SHANK2: variants seen among roughly 807,000 people sequenced by gnomAD.
SHANK2 encodes SH3 and multiple ankyrin repeat domains protein 2.
SHANK2 carries 43 observed loss-of-function variants against 133.7 expected under a neutral mutation model. That is an observed-to-expected ratio of 0.32 (90% CI 0.25 to 0.41). The LOEUF is 0.41. Ranked by LOEUF, SHANK2 falls within the 10% of genes least tolerant of loss-of-function variation. The pLI is 1.00. For synonymous variants in SHANK2, 1,017 were observed against 952.8 expected, an observed-to-expected ratio of 1.07 and a Z score of -1.24; for missense variants, 1,994 against 2,235.8, an observed-to-expected ratio of 0.89 and a Z score of 2.18.
intron 10 of SHANK2, among the ~76,000 whole-genome samples, chr11:70,906,489 A>G (rs1246425083): frequency 6.6e-6 from 1 of 152,052 alleles, no homozygotes; most frequent in Non-Finnish European, 1.5e-5. Context: ...AAGCCACTCC[A>G]CCGCCCCGAC....
chr11:70,799,426 A>T (rs1947994663), intron 13 of SHANK2, among the ~76,000 whole-genome samples: 1 of 152,088 alleles, frequency 6.6e-6, no homozygotes, highest in Non-Finnish European at 1.5e-5. Context: ...AGAAAAAGAA[A>T]TCACAGCAGA....
intron 2 of SHANK2, among the ~76,000 whole-genome samples, chr11:71,223,217 C>T (rs1555121607): frequency 6.6e-6 from 1 of 152,150 alleles, no homozygotes; most frequent in East Asian, 1.9e-4. Context: ...TGGCCAGGAC[C>T]AGGGTAGTCC....
chr11:70,559,360 A>G (rs1164627526), intron 17 of SHANK2, among the ~76,000 whole-genome samples: 2 of 152,172 alleles, frequency 1.3e-5, no homozygotes, highest in African/African-American at 4.8e-5. Context: ...AGCTTTACCA[A>G]AAGAAACCAA....
chr11:70,601,851 T>C (rs2060502075), intron 17 of SHANK2, among the ~76,000 whole-genome samples: 1 of 152,220 alleles, frequency 6.6e-6, no homozygotes, highest in Non-Finnish European at 1.5e-5. Context: ...ACCTCCCAGA[T>C]TGACAAAAGC....
chr11:71,215,926 G>A (rs575876306), intron 2 of SHANK2, among the ~76,000 whole-genome samples: 33 of 152,164 alleles, frequency 2.2e-4, no homozygotes, highest in South Asian at 4.2e-4. Flanking sequence ...ATGAGACAGC[G>A]CCTCCCCCAC....
intron 17 of SHANK2, among the ~76,000 whole-genome samples, chr11:70,613,113 G>T (rs1255818737): frequency 6.6e-6 from 1 of 152,226 alleles, no homozygotes; most frequent in African/African-American, 2.4e-5. Flanking sequence ...TCACATGCTG[G>T]TTTGCACAGC....
chr11:71,228,270 T>G (rs1391470441), intron 1 of SHANK2, among the ~76,000 whole-genome samples: 1 of 152,204 alleles, frequency 6.6e-6, no homozygotes, highest in African/African-American at 2.4e-5. Flanking sequence ...ATTTTTAAAC[T>G]CCAGTTTTTT....
At chr11:70,539,952 C>T (rs1334570331) in intron 17 of SHANK2, among the ~76,000 whole-genome samples, 4 of 152,138 alleles carry the variant, frequency 2.6e-5, no homozygotes, top group Non-Finnish European at 4.4e-5. Flanking sequence ...CTTGGTGTCC[C>T]TGGCTTGGAG....
chr11:70,741,704 C>T (rs1304432315), intron 14 of SHANK2, among the ~76,000 whole-genome samples: 2 of 152,194 alleles, frequency 1.3e-5, no homozygotes, highest in South Asian at 2.1e-4. Context: ...CTTACCTCCT[C>T]GGAGAAGGAA....
intron 11 of SHANK2, chr11:70,826,611 G>C: frequency 2.2e-6 from 1 of 458,976 alleles, no homozygotes; most frequent in South Asian, 1.6e-5. Flanking sequence ...TGGGACCCGG[G>C]GAGAGGTGGC....
Position 71,126,216 on chromosome 11 carries a change from C to CAAAAAAAAAAA in SHANK2, c.208-7195_208-7185dup, listed in dbSNP as rs1170621448. Among the ~76,000 whole-genome samples, 21 of 64,436 alleles carry CAAAAAAAAAAA rather than the reference C, an allele frequency of 3.3e-4. 1 individual carries two copies. The highest frequency in any genetic ancestry group is 8.4e-4 in the Admixed American group (3 of 3,578). The allele number at this position is 64,436 out of a possible 152,430, so 42.3% of individuals were successfully genotyped here. ...CTGGTGACAGAGTGAGACTCCGTCT[C>CAAAAAAAAAAA]AAAAAAAAAAAAAAAAAAAAAAAAG... On this transcript the variant is annotated intron_variant, in intron 3 of 25. Transcript: ENST00000601538.
At chr11:71,089,494 GT>G (rs1951468560) in intron 8 of SHANK2, among the ~76,000 whole-genome samples, 1 of 151,844 alleles carries the variant, frequency 6.6e-6, no homozygotes, top group Non-Finnish European at 1.5e-5. Context: ...CTCATGTCTG[GT>G]TTCCCCCCAC....
intron 11 of SHANK2, among the ~76,000 whole-genome samples, chr11:70,877,693 C>T (rs936796421): frequency 1.3e-5 from 2 of 152,184 alleles, no homozygotes; most frequent in African/African-American, 4.8e-5. Flanking sequence ...AAAGCCATGT[C>T]ATTGGCTGGA....
chr11:71,056,942 C>T (rs1042790452), intron 9 of SHANK2, among the ~76,000 whole-genome samples: 12 of 152,150 alleles, frequency 7.9e-5, no homozygotes, highest in Admixed American at 1.3e-4. Flanking sequence ...TATTCTAGAA[C>T]ATTCTTCACC....
chr11:70,574,866 C>A (rs183080721), intron 17 of SHANK2, among the ~76,000 whole-genome samples: 1 of 152,202 alleles, frequency 6.6e-6, no homozygotes, highest in Non-Finnish European at 1.5e-5. Flanking sequence ...TGACCCCAAA[C>A]CTCGCTGCCC....
chr11:71,073,220 A>T (rs1951172580), intron 9 of SHANK2, among the ~76,000 whole-genome samples: 1 of 131,904 alleles, frequency 7.6e-6, no homozygotes, highest in African/African-American at 2.8e-5. Flanking sequence ...GTGCAGTGGC[A>T]CTATCTCAGC....
chr11:70,566,228 A>C (rs1422814501), intron 17 of SHANK2, among the ~76,000 whole-genome samples: 1 of 152,204 alleles, frequency 6.6e-6, no homozygotes, highest in African/African-American at 2.4e-5. Flanking sequence ...TGGGAGCTAC[A>C]ATTCAAGATG....
chr11:70,787,086 C>T (rs1346959862), intron 14 of SHANK2, among the ~76,000 whole-genome samples: 2 of 150,366 alleles, frequency 1.3e-5, no homozygotes, highest in African/African-American at 4.9e-5. Context: ...ACCACCACCA[C>T]CAGCATCACC....
intron 2 of SHANK2, among the ~76,000 whole-genome samples, chr11:71,206,313 A>G (rs1954126004): frequency 6.6e-6 from 1 of 152,170 alleles, no homozygotes; most frequent in Admixed American, 6.5e-5. Flanking sequence ...CTGTGCGTTT[A>G]GTTAACTATT....
Sources: allele counts gnomAD v4.1 joint callset (sites outside exome capture counted in the v4.1 genomes callset), GRCh38; gene constraint gnomAD v4.1.1; transcripts MANE v1.5; gene names NCBI Gene and HGNC (gene_info 2026-07-23, HGNC 2026-07-21).